VMA12: variants seen among roughly 807,000 people sequenced by gnomAD.
VMA12 encodes the protein vacuolar ATPase assembly protein VMA12.
chr17:28,361,874 C>A, the VMA12 span: 2 of 153,198 alleles, frequency 1.3e-5, no homozygotes, highest in Admixed American at 6.5e-5. Flanking sequence ...AAGACAGACT[C>A]ATAGAGATTA....
At chr17:28,357,929 A>G in the VMA12 span, 1 of 1,598,732 alleles carries the variant, frequency 6.3e-7, no homozygotes, top group Non-Finnish European at 8.6e-7. Context: ...GTCCAGATCG[A>G]TTCCCTCCTG....
At chr17:28,360,475 G>A in the VMA12 span, 8 of 1,549,078 alleles carry the variant, frequency 5.2e-6, no homozygotes, top group Non-Finnish European at 7.1e-6. Context: ...GACTGTCAAT[G>A]GATGCTCTCT....
chr17:28,362,856 C>T, the VMA12 span: 1 of 152,158 alleles, frequency 6.6e-6, no homozygotes, highest in Admixed American at 6.5e-5. Context: ...GCCCTATCCT[C>T]CAGTTCTCAG....
chr17:28,361,330 C>T, the VMA12 span: 2 of 1,421,738 alleles, frequency 1.4e-6, no homozygotes, highest in Non-Finnish European at 2.0e-6. Flanking sequence ...TCAGTCAACC[C>T]ATCAGACTTT....
chr17:28,357,758 C>T, the VMA12 span: 1 of 1,613,424 alleles, frequency 6.2e-7, no homozygotes, highest in Non-Finnish European at 8.5e-7. Context: ...ACCCCGAAAG[C>T]TGCGGGCCGA....
chr17:28,358,902 C>T, the VMA12 span: 12 of 1,603,954 alleles, frequency 7.5e-6, no homozygotes, highest in South Asian at 1.1e-5. Context: ...GTTTGTGAAA[C>T]CTTTTCTTCT....
the VMA12 span, chr17:28,358,143 A>C: frequency 1.9e-6 from 1 of 530,158 alleles, no homozygotes; most frequent in Non-Finnish European, 3.4e-6. Context: ...CCCTTGAGAA[A>C]GTCTAGGTTT....
At chr17:28,358,133 C>T in the VMA12 span, 9 of 546,262 alleles carry the variant, frequency 1.6e-5, no homozygotes, top group South Asian at 1.5e-4. Context: ...GCCCAATTCA[C>T]CCTTGAGAAA....
chr17:28,359,327 G>A, the VMA12 span: 1 of 1,614,058 alleles, frequency 6.2e-7, no homozygotes, highest in African/African-American at 1.3e-5. Context: ...CCCAGAACTA[G>A]TTGCCCGGCT....
At chr17:28,357,942 G>GTCT in the VMA12 span, 1 of 1,571,698 alleles carries the variant, frequency 6.4e-7, no homozygotes, top group Non-Finnish European at 8.7e-7. Flanking sequence ...CCCTCCTGAG[G>GTCT]TCTTTTCCCA....
the VMA12 span, chr17:28,361,093 G>A: frequency 2.0e-6 from 3 of 1,517,586 alleles, no homozygotes; most frequent in Non-Finnish European, 2.7e-6. Flanking sequence ...CCTCATTAAA[G>A]TTGCTGGGGT....
the VMA12 span, chr17:28,360,946 C>T: frequency 9.2e-7 from 1 of 1,083,944 alleles, no homozygotes; most frequent in Non-Finnish European, 1.4e-6. Context: ...AGGTATTGAA[C>T]AGATATTTAT....
At chr17:28,357,835 T>G in the VMA12 span, 1 of 1,614,058 alleles carries the variant, frequency 6.2e-7, no homozygotes, top group Non-Finnish European at 8.5e-7. Flanking sequence ...AACGCTTGGT[T>G]TCTTTCCGTC....
the VMA12 span, chr17:28,361,466 C>T: frequency 3.4e-5 from 19 of 554,340 alleles, no homozygotes; most frequent in Admixed American, 4.4e-4. Flanking sequence ...ATCTTTAAAA[C>T]AGAAAGAACT....
the VMA12 span, chr17:28,362,525 G>C: frequency 6.6e-6 from 1 of 152,168 alleles, no homozygotes; most frequent in African/African-American, 2.4e-5. Context: ...TTAGCCAGGC[G>C]TGGTGGTACA....
At chr17:28,361,234 C>T in the VMA12 span, 8 of 1,613,930 alleles carry the variant, frequency 5.0e-6, no homozygotes, top group East Asian at 2.2e-5. Flanking sequence ...CAATGGAAGG[C>T]GAGCTGGGAG....
the VMA12 span, chr17:28,358,849 C>G: frequency 7.9e-7 from 1 of 1,268,000 alleles, no homozygotes; most frequent in Non-Finnish European, 1.1e-6. Flanking sequence ...GGGCTACACC[C>G]CTCTTGATCT....
At chr17:28,359,251 G>T in the VMA12 span, 12 of 1,559,216 alleles carry the variant, frequency 7.7e-6, no homozygotes, top group African/African-American at 1.4e-5. Flanking sequence ...TGGAACCAAT[G>T]ATTGTGATGT....
At chr17:28,357,730 G>A in the VMA12 span, 7 of 1,613,408 alleles carry the variant, frequency 4.3e-6, no homozygotes, top group Non-Finnish European at 5.1e-6. Flanking sequence ...CCGGCGGGGA[G>A]CTGGAGCCAG....
Sources: allele counts gnomAD v4.1 joint callset, GRCh38; gene constraint gnomAD v4.1.1; transcripts MANE v1.5; gene names NCBI Gene and HGNC (gene_info 2026-07-23, HGNC 2026-07-21).